The following WFDC1 variants were observed in gnomAD, a reference collection of about 807,000 sequenced individuals.
WFDC1 encodes WAP four-disulfide core domain protein 1.
Under a neutral mutation model 32.9 loss-of-function variants are expected in WFDC1, and 39 were observed. The ratio of observed to expected loss-of-function variants is 1.19; its 90% confidence interval spans 0.92 to 1.55. The LOEUF (loss-of-function observed/expected upper bound fraction) is 1.55, where lower values mean the gene tolerates loss of function less well. Among genes scored for constraint, WFDC1 ranks in the 40% most tolerant of loss-of-function variants. The pLI, the probability that WFDC1 is intolerant of heterozygous loss-of-function variation, is 0.00. For synonymous variants in WFDC1, 184 were observed against 137.4 expected (o/e 1.34, Z -2.37); for missense variants, 386 against 309.5 (o/e 1.25, Z -1.85).
intron 1 of WFDC1, among the ~76,000 whole-genome samples, chr16:84,297,956 A>T (rs1429365453): frequency 6.6e-6 from 1 of 152,082 alleles, no homozygotes. Flanking sequence ...GCTGAGTGAG[A>T]CCTTCAGCCT....
At chr16:84,299,863 TCTCTTTC>T (rs1429380721) in intron 1 of WFDC1, among the ~76,000 whole-genome samples, 1 of 152,112 alleles carries the variant, frequency 6.6e-6, no homozygotes, top group Non-Finnish European at 1.5e-5. Context: ...GGTGCCACTT[TCTCTTTC>T]AAATGCATCC....
chr16:84,311,740 T>A (rs535912922), intron 1 of WFDC1, among the ~76,000 whole-genome samples: 1 of 146,750 alleles, frequency 6.8e-6, no homozygotes, highest in Non-Finnish European at 1.5e-5. Context: ...TTTCGCTATG[T>A]TGGCCAGCCT....
chr16:84,320,461 G>C (rs1008612565), intron 4 of WFDC1, among the ~76,000 whole-genome samples: 1 of 152,150 alleles, frequency 6.6e-6, no homozygotes, highest in Admixed American at 6.5e-5. Context: ...ATTTGTGTTC[G>C]TCTTTGGACA....
intron 1 of WFDC1, among the ~76,000 whole-genome samples, chr16:84,297,630 A>AAAC (rs1906679986): frequency 6.8e-6 from 1 of 147,018 alleles, no homozygotes; most frequent in South Asian, 2.2e-4. Flanking sequence ...AAAAAAAAAA[A>AAAC]AAAAAAAAAA....
intron 2 of WFDC1, among the ~76,000 whole-genome samples, chr16:84,314,037 G>A (rs1286178845): frequency 1.2e-5 from 1 of 84,492 alleles, no homozygotes; most frequent in Non-Finnish European, 2.2e-5. Flanking sequence ...GTGAGACTCT[G>A]TCTCAAAAAA....
intron 1 of WFDC1, among the ~76,000 whole-genome samples, chr16:84,297,650 G>GAA (rs1906689552): frequency 8.7e-6 from 1 of 115,234 alleles, no homozygotes; most frequent in African/African-American, 3.0e-5. Context: ...AAAAAAAACT[G>GAA]TGCCTCAGAG....
chr16:84,312,592 G>C (rs1001898016), intron 1 of WFDC1, among the ~76,000 whole-genome samples: 2 of 151,932 alleles, frequency 1.3e-5, no homozygotes, highest in African/African-American at 4.8e-5. Context: ...ATGTGTGTAC[G>C]TATATGTATA....
At chr16:84,313,273 C>A in intron 2 of WFDC1, 120 bp downstream of exon 2, 6 of 942,198 alleles carry the variant, frequency 6.4e-6, no homozygotes, top group Non-Finnish European at 8.3e-6. Flanking sequence ...GTCTCGGGCG[C>A]CTCCACTGCG....
At chr16:84,303,360 G>C (rs897457434) in intron 1 of WFDC1, among the ~76,000 whole-genome samples, 2 of 152,066 alleles carry the variant, frequency 1.3e-5, no homozygotes, top group Non-Finnish European at 2.9e-5. Context: ...GGGGTGGTGA[G>C]CACTGAGGGA....
At chr16:84,305,781 C>G (rs939786607) in intron 1 of WFDC1, among the ~76,000 whole-genome samples, 2 of 151,664 alleles carry the variant, frequency 1.3e-5, no homozygotes, top group African/African-American at 4.9e-5. Flanking sequence ...GCAGGCAGAT[C>G]ACCTGAGCTC....
At chr16:84,301,912 C>T (rs559427264) in intron 1 of WFDC1, among the ~76,000 whole-genome samples, 17 of 152,132 alleles carry the variant, frequency 1.1e-4, no homozygotes, top group Non-Finnish European at 2.2e-4. Context: ...GGTTATCACT[C>T]GGGAGAGGGA....
At chr16:84,305,292 A>G (rs1466050045) in intron 1 of WFDC1, among the ~76,000 whole-genome samples, 1 of 152,132 alleles carries the variant, frequency 6.6e-6, no homozygotes, top group African/African-American at 2.4e-5. Flanking sequence ...TTCCTCACCT[A>G]TGCAATGGGG....
At chr16:84,298,552 C>T (rs1567649050) in intron 1 of WFDC1, among the ~76,000 whole-genome samples, 2 of 152,308 alleles carry the variant, frequency 1.3e-5, no homozygotes, top group East Asian at 3.9e-4. Context: ...AGTGGCCTCA[C>T]GTGGGTTGCC....
chr16:84,299,832 G>A (rs540502952), intron 1 of WFDC1, among the ~76,000 whole-genome samples: 2 of 152,346 alleles, frequency 1.3e-5, no homozygotes, highest in South Asian at 4.1e-4. Flanking sequence ...GGGCTGGGAG[G>A]GGCTAGAGCA....
intron 1 of WFDC1, among the ~76,000 whole-genome samples, chr16:84,307,989 T>C (rs1233933671): frequency 6.6e-5 from 10 of 152,180 alleles, no homozygotes; most frequent in Non-Finnish European, 1.0e-4. Flanking sequence ...GGGAAAACCA[T>C]TCACCTCCTT....
Position 84,294,978 on chromosome 16 carries a change from T to G in WFDC1, c.7T>G (p.Leu3Val), listed in dbSNP as rs1243366904. The change falls in exon 1 of 7, where the codon TTA becomes GTA. Residue 3 changes from leucine to valine, a missense_variant. By Grantham distance (32) the Leu-to-Val change is conservative. Transcript: ENST00000219454. MP[L>V]TGVGPGSCRR... Reference sequence around the variant, plus strand: ...GTCGCTGCCCAGGGAGGAAATGCCTTTAACCGGCGTGGGGCCGGGCAGCTG... The same window carrying G: ...GTCGCTGCCCAGGGAGGAAATGCCTGTAACCGGCGTGGGGCCGGGCAGCTG... The G allele has an allele frequency of 6.2e-7, 1 of 1,612,918 alleles. No individual in the cohort carries two copies.
intron 1 of WFDC1, among the ~76,000 whole-genome samples, chr16:84,299,352 C>T (rs551041601): frequency 1.3e-5 from 2 of 150,580 alleles, no homozygotes; most frequent in African/African-American, 4.9e-5. Flanking sequence ...GCAAGAAGAG[C>T]GCAACTCCAT....
rs118171217 is a variant in WFDC1 at position 84,305,607 on chromosome 16, C to A, written c.145-7354C>A. On this transcript the variant is annotated intron_variant, in intron 1 of 6. Transcript: ENST00000219454. The stretch of plus-strand genomic sequence containing the variant: ...AGATGGTGGGCGTTCACTAAATCAT[C>A]TGGGAGTGAATTGAGGGAGGATACA... Among the ~76,000 whole-genome samples, 130 of 152,264 alleles carry A rather than the reference C, an allele frequency of 8.5e-4. No homozygotes were observed. The East Asian group carries it at 0.01, about 12-fold the overall frequency.
chr16:84,302,298 AC>A (rs1490136643), intron 1 of WFDC1, among the ~76,000 whole-genome samples: 1 of 152,184 alleles, frequency 6.6e-6, no homozygotes, highest in Admixed American at 6.5e-5. Flanking sequence ...AGGTGGTTGC[AC>A]ACATCGTAAG....
Sources: gnomAD v4.1 joint callset for allele counts (sites outside exome capture counted in the v4.1 genomes callset) on GRCh38, gnomAD v4.1.1 for gene constraint, MANE v1.5 for transcripts, NCBI Gene and HGNC (gene_info 2026-07-23, HGNC 2026-07-21) for gene names.